The following MCTP1 variants were observed in gnomAD, a reference collection of about 807,000 sequenced individuals.
MCTP1 encodes multiple C2 and transmembrane domain-containing protein 1.
MCTP1 carries 69 observed loss-of-function variants against 120.6 expected under a neutral mutation model. The ratio of observed to expected loss-of-function variants is 0.57; its 90% CI spans 0.47 to 0.70. The LOEUF is 0.70. MCTP1 is among the 30% of genes least tolerant of loss of function. MCTP1 has a pLI of 0.00. For synonymous variants in MCTP1, 529 were observed against 493.1 expected (o/e 1.07, Z -0.96); for missense variants, 1,203 against 1,248.8 (o/e 0.96, Z 0.55).
intron 1 of MCTP1, among the ~76,000 whole-genome samples, chr5:95,150,501 G>C (rs1299283355): frequency 6.6e-6 from 1 of 152,024 alleles, no homozygotes; most frequent in African/African-American, 2.4e-5. Context: ...TTAGCTGGGA[G>C]GTTTTCTCAT....
At chr5:95,147,308 G>A (rs567396090) in intron 1 of MCTP1, among the ~76,000 whole-genome samples, 108 of 152,164 alleles carry the variant, frequency 7.1e-4, no homozygotes, top group African/African-American at 2.6e-3. Flanking sequence ...GGATGGTCTC[G>A]ATCTCCTGAC....
At chr5:94,796,390 G>T (rs1780005379) in intron 18 of MCTP1, among the ~76,000 whole-genome samples, 1 of 151,714 alleles carries the variant, frequency 6.6e-6, no homozygotes, top group South Asian at 2.1e-4. Context: ...GCACCTCGGA[G>T]ATCCTGTAAA....
chr5:94,711,080 C>G (rs879508028), intron 20 of MCTP1, among the ~76,000 whole-genome samples, 153 bp from the exon 21 acceptor site: 2 of 152,088 alleles, frequency 1.3e-5, no homozygotes, highest in Admixed American at 1.3e-4. Flanking sequence ...CGCAGGCTAG[C>G]CATAATCTGC....
chr5:94,853,152 G>GA lies in MCTP1; in HGVS notation c.2436+15180dup, dbSNP rs35784950. 5.3e-4 allele frequency among the ~76,000 whole-genome samples: 80 copies of GA among 151,298 alleles called. No individual in the cohort carries two copies. In the East Asian group the frequency reaches 0.012, roughly 23 times the overall value. ...GATTTTTAAACCACATTACTTTTGG[G>GA]AAAAAAAAATTGTTATAAAGGTGAA... On this transcript the variant is annotated intron_variant, in intron 17 of 22. Coordinates refer to ENST00000515393, the MANE Select transcript of MCTP1 (RefSeq NM_024717.7).
At chr5:94,808,067 G>C (rs1782709575) in intron 17 of MCTP1, among the ~76,000 whole-genome samples, 1 of 152,118 alleles carries the variant, frequency 6.6e-6, no homozygotes, top group Non-Finnish European at 1.5e-5. Flanking sequence ...CCAAAGTACT[G>C]GAGGTGAACC....
intron 1 of MCTP1, among the ~76,000 whole-genome samples, chr5:95,160,905 C>T (rs575603577): frequency 8.5e-5 from 13 of 152,198 alleles, no homozygotes; most frequent in African/African-American, 3.1e-4. Flanking sequence ...CTACCTCACA[C>T]CTGTTAATAT....
chr5:94,712,314 GAAGGCCCCT>G (rs778248647), intron 20 of MCTP1, among the ~76,000 whole-genome samples: 8 of 152,096 alleles, frequency 5.3e-5, no homozygotes, highest in Non-Finnish European at 1.2e-4. Context: ...TTATGAGACA[GAAGGCCCCT>G]AAGACACTTC....
chr5:94,830,254 A>T (rs1019312681), intron 17 of MCTP1, among the ~76,000 whole-genome samples: 1 of 152,238 alleles, frequency 6.6e-6, no homozygotes, highest in Non-Finnish European at 1.5e-5. Flanking sequence ...TGAATGTTAG[A>T]AACTCACTCT....
At chr5:94,984,659 A>G (rs1038502300) in intron 2 of MCTP1, among the ~76,000 whole-genome samples, 2 of 152,172 alleles carry the variant, frequency 1.3e-5, no homozygotes, top group African/African-American at 4.8e-5. Context: ...CAATGGACAC[A>G]TGACCTTAGA....
At position 95,096,124 on chromosome 5, in the gene MCTP1, C is replaced by T. The variant is rs185217472; in HGVS notation, c.721-78640G>A. Among the ~76,000 whole-genome samples the T allele has an allele frequency of 2.6e-3, 398 of 152,290 alleles. 1 individual carries two copies. The highest frequency in any genetic ancestry group is 6.7e-3 in the Admixed American group (102 of 15,300). ...TTCAGAAGTGCCAAATTCAGCCAAA[C>T]AATATTTGAAAAGCGCACACCAATT... On this transcript the variant is annotated intron_variant, in intron 1 of 22. Coordinates refer to ENST00000515393, the MANE Select transcript of MCTP1 (RefSeq NM_024717.7).
chr5:95,227,681 T>C (rs1001256202), intron 1 of MCTP1, among the ~76,000 whole-genome samples: 4 of 152,186 alleles, frequency 2.6e-5, no homozygotes, highest in African/African-American at 7.2e-5. Flanking sequence ...TGTGTCTACA[T>C]AGCTTTCTGA....
intron 1 of MCTP1, among the ~76,000 whole-genome samples, chr5:95,262,927 C>T (rs192946015): frequency 6.6e-6 from 1 of 152,196 alleles, no homozygotes; most frequent in African/African-American, 2.4e-5. Context: ...TTTGATTTCG[C>T]ATTATGGGGC....
chr5:95,193,063 C>A (rs1309944290), intron 1 of MCTP1, among the ~76,000 whole-genome samples: 3 of 152,052 alleles, frequency 2.0e-5, no homozygotes, highest in Non-Finnish European at 2.9e-5. Flanking sequence ...AAAGTTGTAT[C>A]CTAATAAGTG....
chr5:94,936,069 T>A lies in MCTP1; in HGVS notation c.1173+4015A>T, dbSNP rs138733556. Among the ~76,000 whole-genome samples, 270 of 152,224 alleles carry A rather than the reference T, an allele frequency of 1.8e-3. 1 individual carries two copies. The highest frequency in any genetic ancestry group is 6.0e-3 in the African/African-American group (249 of 41,566). ...TGAAGAAAATACAGTGATGGGTTTATAATTTATTGTCATCATTCGAATTCC... is the reference window on the plus strand; with the variant it reads ...TGAAGAAAATACAGTGATGGGTTTAAAATTTATTGTCATCATTCGAATTCC... On this transcript the variant is annotated intron_variant, in intron 5 of 22. Coordinates refer to ENST00000515393, the MANE Select transcript of MCTP1 (RefSeq NM_024717.7).
intron 1 of MCTP1, among the ~76,000 whole-genome samples, chr5:95,219,615 G>C (rs544528095): frequency 6.6e-6 from 1 of 152,242 alleles, no homozygotes; most frequent in East Asian, 1.9e-4. Flanking sequence ...CAGCTGTTCA[G>C]CTTTGGGTGG....
At chr5:95,254,331 A>G (rs1239364966) in intron 1 of MCTP1, among the ~76,000 whole-genome samples, 1 of 152,160 alleles carries the variant, frequency 6.6e-6, no homozygotes, top group Non-Finnish European at 1.5e-5. Flanking sequence ...CAGTACCCCT[A>G]TGAGACAATT....
intron 3 of MCTP1, among the ~76,000 whole-genome samples, chr5:94,946,433 CATGGAACCAT>C (rs1354913934): frequency 6.6e-6 from 1 of 152,104 alleles, no homozygotes; most frequent in African/African-American, 2.4e-5. Flanking sequence ...AGTCAGTGTC[CATGGAACCAT>C]ATGGATCTTC....
chr5:95,017,711 T>G (rs1216070517), intron 1 of MCTP1, among the ~76,000 whole-genome samples: 1 of 152,136 alleles, frequency 6.6e-6, no homozygotes, highest in Non-Finnish European at 1.5e-5. Context: ...CTGTTTTAAT[T>G]CAGATTATGG....
intron 2 of MCTP1, among the ~76,000 whole-genome samples, chr5:95,005,238 C>G (rs569715945): frequency 1.3e-5 from 2 of 152,198 alleles, no homozygotes; most frequent in South Asian, 4.2e-4. Context: ...TCTGTAAACT[C>G]ATTGTATCTT....
Sources: gnomAD v4.1 joint callset for allele counts (sites outside exome capture counted in the v4.1 genomes callset) on GRCh38, gnomAD v4.1.1 for gene constraint, MANE v1.5 for transcripts, NCBI Gene and HGNC (gene_info 2026-07-23, HGNC 2026-07-21) for gene names.